Variants in PTPRD observed in about 807,000 individuals in gnomAD.
The protein encoded by PTPRD is receptor-type tyrosine-protein phosphatase delta.
In PTPRD, 34 loss-of-function variants were observed where a neutral mutation model predicts 214.5. The observed-to-expected ratio is 0.16, with a 90% CI of 0.12 to 0.21. The LOEUF is 0.21. PTPRD is among the 10% of genes least tolerant of loss of function. PTPRD has a pLI of 1.00. For missense variants in PTPRD, 2,545 were observed against 2,398.7 expected, an observed-to-expected ratio of 1.06 and a Z score of -1.27; for synonymous variants, 1,128 against 845.7, an observed-to-expected ratio of 1.33 and a Z score of -5.79.
chr9:9,942,867 C>G (rs1378340938), intron 4 of PTPRD, among the ~76,000 whole-genome samples: 2 of 150,070 alleles, frequency 1.3e-5, no homozygotes, highest in African/African-American at 2.5e-5. Context: ...AAGCCATTAA[C>G]TACGTCAGCA....
intron 16 of PTPRD, among the ~76,000 whole-genome samples, chr9:8,527,096 T>C (rs1406496640): frequency 6.6e-6 from 1 of 152,062 alleles, no homozygotes; most frequent in Non-Finnish European, 1.5e-5. Flanking sequence ...ACAAACATTG[T>C]TGATTGGATA....
intron 8 of PTPRD, among the ~76,000 whole-genome samples, chr9:9,567,071 T>C (rs2084782627): frequency 6.6e-6 from 1 of 151,976 alleles, no homozygotes; most frequent in South Asian, 2.1e-4. Context: ...GGAAATATGT[T>C]GAAGGTCAAT....
intron 14 of PTPRD, among the ~76,000 whole-genome samples, chr9:8,537,004 C>T (rs1460751891): frequency 1.3e-5 from 2 of 151,918 alleles, no homozygotes; most frequent in African/African-American, 2.4e-5. Flanking sequence ...GAATACAGTC[C>T]TTGAAGAAGA....
At chr9:8,997,813 G>A (rs553885942) in intron 11 of PTPRD, among the ~76,000 whole-genome samples, 2 of 152,174 alleles carry the variant, frequency 1.3e-5, no homozygotes, top group South Asian at 4.2e-4. Flanking sequence ...AAAAATTCTT[G>A]AAGGAAATTA....
At chr9:9,128,140 G>A (rs2099836944) in intron 10 of PTPRD, among the ~76,000 whole-genome samples, 1 of 152,148 alleles carries the variant, frequency 6.6e-6, no homozygotes, top group African/African-American at 2.4e-5. Flanking sequence ...CAACATAGAT[G>A]CTGGATCATC....
intron 10 of PTPRD, among the ~76,000 whole-genome samples, chr9:9,048,515 A>T (rs1264986115): frequency 6.6e-6 from 1 of 152,210 alleles, no homozygotes. Flanking sequence ...ACGTGGATGG[A>T]ACTGGAGATT....
At chr9:10,150,156 A>C (rs2099050982) in intron 3 of PTPRD, among the ~76,000 whole-genome samples, 1 of 152,204 alleles carries the variant, frequency 6.6e-6, no homozygotes, top group South Asian at 2.1e-4. Context: ...TTTATGTTTA[A>C]AGATATTTTC....
chr9:8,400,376 C>T (rs982423131), intron 36 of PTPRD, among the ~76,000 whole-genome samples: 1 of 152,150 alleles, frequency 6.6e-6, no homozygotes, highest in Non-Finnish European at 1.5e-5. Flanking sequence ...ATGTACTTGA[C>T]ATTTGTTCTG....
intron 9 of PTPRD, among the ~76,000 whole-genome samples, chr9:9,211,980 A>AACATAAAAT (rs2099949075): frequency 6.6e-6 from 1 of 152,146 alleles, no homozygotes; most frequent in Non-Finnish European, 1.5e-5. Flanking sequence ...AAGTTTAATG[A>AACATAAAAT]ACATAAAATT....
At chr9:9,277,817 C>T (rs1426902808) in intron 9 of PTPRD, among the ~76,000 whole-genome samples, 2 of 151,284 alleles carry the variant, frequency 1.3e-5, no homozygotes, top group South Asian at 2.1e-4. Context: ...TCAAACTAAA[C>T]TTTATAAATG....
At chr9:9,310,981 C>T (rs1405215283) in intron 9 of PTPRD, among the ~76,000 whole-genome samples, 1 of 146,188 alleles carries the variant, frequency 6.8e-6, no homozygotes, top group Non-Finnish European at 1.5e-5. Context: ...CGGTGGGAGG[C>T]CCATCTTAAA....
At chr9:8,396,818 C>T (rs542452789) in intron 36 of PTPRD, among the ~76,000 whole-genome samples, 1 of 152,266 alleles carries the variant, frequency 6.6e-6, no homozygotes, top group East Asian at 1.9e-4. Flanking sequence ...TGCAAGCAAC[C>T]TGTGAAACTG....
intron 10 of PTPRD, among the ~76,000 whole-genome samples, chr9:9,074,365 T>C (rs1271192246): frequency 6.6e-6 from 1 of 152,028 alleles, no homozygotes; most frequent in African/African-American, 2.4e-5. Flanking sequence ...ATGAAAATGC[T>C]TTAGGATTGA....
intron 7 of PTPRD, among the ~76,000 whole-genome samples, chr9:9,647,843 A>G (rs2154370692): frequency 6.6e-6 from 1 of 152,328 alleles, no homozygotes; most frequent in Middle Eastern, 3.4e-3. Flanking sequence ...TTTAAAATAG[A>G]AGTTCAAATT....
chr9:9,175,642 A>AAC (rs33922994), intron 10 of PTPRD, among the ~76,000 whole-genome samples: 112 of 148,864 alleles, frequency 7.5e-4, no homozygotes, highest in Non-Finnish European at 1.4e-3. Flanking sequence ...AAAAAAAAAA[A>AAC]AAAAAAAAGA....
intron 2 of PTPRD, among the ~76,000 whole-genome samples, chr9:10,371,655 G>T (rs1272882015): frequency 6.6e-6 from 1 of 151,886 alleles, no homozygotes; most frequent in Non-Finnish European, 1.5e-5. Flanking sequence ...CTCCATTTTG[G>T]TGGAGATCAT....
chr9:9,978,642 G>A (rs554040043), intron 4 of PTPRD, among the ~76,000 whole-genome samples: 11 of 152,122 alleles, frequency 7.2e-5, no homozygotes, highest in African/African-American at 1.7e-4. Context: ...ACAAATGCAC[G>A]CATGCATGTA....
At chr9:9,482,434 G>A (rs1331299773) in intron 8 of PTPRD, among the ~76,000 whole-genome samples, 1 of 152,116 alleles carries the variant, frequency 6.6e-6, no homozygotes, top group Admixed American at 6.6e-5. Flanking sequence ...GGGGTAGAAC[G>A]TTGAAGTGTC....
intron 14 of PTPRD, among the ~76,000 whole-genome samples, chr9:8,545,572 C>T (rs1465954443): frequency 6.6e-6 from 1 of 152,198 alleles, no homozygotes; most frequent in Non-Finnish European, 1.5e-5. Context: ...TTTCAGAAGG[C>T]AAGGACTATA....
Sources: allele counts gnomAD v4.1 joint callset (sites outside exome capture counted in the v4.1 genomes callset), GRCh38; gene constraint gnomAD v4.1.1; transcripts MANE v1.5; gene names NCBI Gene and HGNC (gene_info 2026-07-23, HGNC 2026-07-21).